The following PDE4D variants were observed in gnomAD, a reference collection of about 807,000 sequenced individuals.
PDE4D encodes 3',5'-cyclic-AMP phosphodiesterase 4D.
A neutral mutation model predicts 87.4 loss-of-function variants in PDE4D; 24 were observed. That is an observed-to-expected ratio of 0.27 (90% confidence interval 0.20 to 0.39). The LOEUF is 0.39. Among genes scored for constraint, PDE4D ranks in the 10% least tolerant of loss-of-function variants. PDE4D has a pLI of 1.00. For missense variants in PDE4D, 714 were observed against 1,041.0 expected (o/e 0.69, Z 4.32); for synonymous variants, 384 against 383.2 (o/e 1.00, Z -0.02).
intron 1 of PDE4D, among the ~76,000 whole-genome samples, chr5:60,273,137 G>A (rs757563231): frequency 6.6e-6 from 1 of 152,118 alleles, no homozygotes; most frequent in Non-Finnish European, 1.5e-5. Flanking sequence ...AAGTAAAGAG[G>A]GAACTGAAGG....
At chr5:59,112,808 T>C (rs1176672408) in intron 5 of PDE4D, among the ~76,000 whole-genome samples, 3 of 150,892 alleles carry the variant, frequency 2.0e-5, no homozygotes, top group South Asian at 2.1e-4. Flanking sequence ...TCTTTCTTTT[T>C]TTTTTTTTTG....
At chr5:60,162,029 A>G (rs1385235000) in intron 2 of PDE4D, among the ~76,000 whole-genome samples, 1 of 152,124 alleles carries the variant, frequency 6.6e-6, no homozygotes, top group Non-Finnish European at 1.5e-5. Flanking sequence ...TGATAACTAA[A>G]TTCTTCCAAT....
chr5:59,620,035 A>C (rs1579910027), intron 1 of PDE4D, among the ~76,000 whole-genome samples: 2 of 152,174 alleles, frequency 1.3e-5, no homozygotes, highest in African/African-American at 4.8e-5. Flanking sequence ...CAGGTGAAGG[A>C]GCAAGTCAAC....
intron 1 of PDE4D, among the ~76,000 whole-genome samples, chr5:60,321,248 C>T (rs73106733): frequency 0.024 from 3,631 of 152,194 alleles, 143 homozygotes; most frequent in African/African-American, 0.082. Flanking sequence ...ATACCACCCA[C>T]GTAAAATCAT....
At chr5:59,629,307 T>G (rs1230618163) in intron 1 of PDE4D, among the ~76,000 whole-genome samples, 11 of 152,146 alleles carry the variant, frequency 7.2e-5, no homozygotes, top group African/African-American at 2.4e-4. Flanking sequence ...AATAGGGTTT[T>G]TGCAGATGTT....
chr5:59,103,656 A>G (rs1313697011), intron 5 of PDE4D, among the ~76,000 whole-genome samples: 1 of 152,192 alleles, frequency 6.6e-6, no homozygotes, highest in East Asian at 1.9e-4. Flanking sequence ...CTTTATGTGA[A>G]TATGATCTGC....
At chr5:59,538,826 C>T (rs1322881682) in intron 1 of PDE4D, among the ~76,000 whole-genome samples, 2 of 152,174 alleles carry the variant, frequency 1.3e-5, no homozygotes, top group Non-Finnish European at 2.9e-5. Context: ...GTGCAACTGT[C>T]CTCTCTGCAC....
chr5:60,004,017 A>T (rs551679937), intron 2 of PDE4D, among the ~76,000 whole-genome samples: 96 of 152,326 alleles, frequency 6.3e-4, no homozygotes, highest in Middle Eastern at 3.4e-3. Context: ...ATTACATACA[A>T]TACAAAAATG....
intron 2 of PDE4D, among the ~76,000 whole-genome samples, chr5:60,118,596 T>TGTGTGTG (rs1554162850): frequency 2.6e-5 from 4 of 150,998 alleles, no homozygotes; most frequent in South Asian, 4.2e-4. Flanking sequence ...TGTGTGTGTG[T>TGTGTGTG]TTACTGAGAA....
intron 1 of PDE4D, among the ~76,000 whole-genome samples, chr5:59,565,594 C>T (rs186817392): frequency 5.1e-4 from 78 of 152,318 alleles, no homozygotes; most frequent in Non-Finnish European, 9.6e-4. Context: ...ATAGTTGCAG[C>T]ATCACTGGGA....
At chr5:59,578,475 C>T (rs1196290651) in intron 1 of PDE4D, among the ~76,000 whole-genome samples, 1 of 152,176 alleles carries the variant, frequency 6.6e-6, no homozygotes, top group Non-Finnish European at 1.5e-5. Context: ...ATTTCCCTGA[C>T]ATAATACTTT....
At chr5:60,460,636 C>G in intron 1 of PDE4D, 1 of 1,210,660 alleles carries the variant, frequency 8.3e-7, no homozygotes, top group Non-Finnish European at 1.2e-6. Flanking sequence ...TTCTCCCTTC[C>G]TCAGCAAGCC....
intron 2 of PDE4D, among the ~76,000 whole-genome samples, chr5:60,011,428 G>A (rs1050007828): frequency 1.5e-4 from 23 of 152,012 alleles, no homozygotes; most frequent in African/African-American, 4.6e-4. Flanking sequence ...TGGCAAAAAC[G>A]AGAAGTCTGG....
At chr5:59,965,433 T>C (rs561654983) in intron 3 of PDE4D, among the ~76,000 whole-genome samples, 15 of 152,330 alleles carry the variant, frequency 9.8e-5, no homozygotes, top group Admixed American at 8.5e-4. Flanking sequence ...CTCTAACCTC[T>C]TGATCCATGA....
chr5:59,900,263 T>TATAC lies in PDE4D; in HGVS notation c.272+88224_272+88225insGTAT, dbSNP rs67124270. On this transcript the variant is annotated intron_variant, in intron 3 of 16. Coordinates refer to the PDE4D transcript ENST00000502484. ...TCAAAAAAAAATATATATATATATA[T>TATAC]ACACACACACACACACACACACACA... Among the ~76,000 whole-genome samples the TATAC allele has an allele frequency of 6.6e-4, 90 of 135,840 alleles. 2 individuals are homozygous for TATAC. The highest frequency in any genetic ancestry group is 3.0e-4 in the Non-Finnish European group (20 of 65,784). The allele number at this position is 135,840 out of a possible 152,430, so 89.1% of individuals were successfully genotyped here. A position where few individuals can be genotyped will look rare whatever the true frequency, so the allele number is the denominator to read the frequency against.
At chr5:60,430,030 C>A in intron 1 of PDE4D, 3 of 522,468 alleles carry the variant, frequency 5.7e-6, no homozygotes, top group South Asian at 4.2e-5. Flanking sequence ...AACATGGATA[C>A]AGTATGAGAC....
intron 1 of PDE4D, among the ~76,000 whole-genome samples, chr5:59,388,804 C>T (rs1787643031): frequency 6.6e-6 from 1 of 151,948 alleles, no homozygotes; most frequent in Non-Finnish European, 1.5e-5. Flanking sequence ...ATGTAAGGAA[C>T]ATTAATAGCC....
chr5:59,007,864 T>G (rs904678499), intron 6 of PDE4D, among the ~76,000 whole-genome samples: 1 of 152,058 alleles, frequency 6.6e-6, no homozygotes, highest in Admixed American at 6.5e-5. Flanking sequence ...TCATTTAAAA[T>G]AGTAAACACC....
intron 1 of PDE4D, among the ~76,000 whole-genome samples, chr5:59,762,142 A>G (rs1762048826): frequency 6.6e-6 from 1 of 151,876 alleles, no homozygotes; most frequent in African/African-American, 2.4e-5. Flanking sequence ...ATATAGATAT[A>G]TATATGTGTG....
Sources: gnomAD v4.1 joint callset for allele counts (sites outside exome capture counted in the v4.1 genomes callset) on GRCh38, gnomAD v4.1.1 for gene constraint, MANE v1.5 for transcripts, NCBI Gene and HGNC (gene_info 2026-07-23, HGNC 2026-07-21) for gene names.